The following TAFA2 variants were observed in gnomAD, a reference collection of about 807,000 sequenced individuals.
TAFA2 encodes the protein chemokine-like protein TAFA-2.
In TAFA2, 7 loss-of-function variants were observed where a neutral mutation model predicts 18.8. The ratio of observed to expected loss-of-function variants is 0.37; its 90% CI spans 0.21 to 0.70. TAFA2 has a LOEUF of 0.70. TAFA2 is among the 30% of genes least tolerant of loss of function. The probability of loss-of-function intolerance (pLI) is 0.53; values close to 1 mark genes in which losing one functional copy is unlikely to be tolerated. For synonymous variants in TAFA2, 60 were observed against 54.2 expected, an observed-to-expected ratio of 1.11 and a Z score of -0.47; for missense variants, 122 against 158.1, an observed-to-expected ratio of 0.77 and a Z score of 1.23.
At chr12:62,210,017 A>G (rs1421915807) in intron 1 of TAFA2, among the ~76,000 whole-genome samples, 1 of 151,952 alleles carries the variant, frequency 6.6e-6, no homozygotes, top group Non-Finnish European at 1.5e-5. Context: ...TGGCTAACAC[A>G]GTGAAACCCC....
intron 2 of TAFA2, among the ~76,000 whole-genome samples, chr12:61,800,746 C>A (rs1592397492): frequency 6.6e-6 from 1 of 152,048 alleles, no homozygotes; most frequent in African/African-American, 2.4e-5. Flanking sequence ...AGGTAGGCAA[C>A]TATGTCAAAT....
intron 1 of TAFA2, chr12:62,104,881 G>A: frequency 3.2e-6 from 1 of 308,496 alleles, no homozygotes; most frequent in East Asian, 1.1e-4. Flanking sequence ...AGATTGAGTT[G>A]CTATCTCCCT....
At position 61,709,681 on chromosome 12, in the gene TAFA2, A is replaced by G. The variant is rs901560748; in HGVS notation, c.*725T>C. 1 of 152,112 alleles carries G rather than the reference A, an allele frequency of 6.6e-6. No homozygotes were observed. The highest frequency in any genetic ancestry group is 1.5e-5 in the Non-Finnish European group (1 of 67,996). 9.4% of individuals were successfully genotyped at this position (152,112 alleles called of 1,614,324 possible). A position where few individuals can be genotyped will look rare whatever the true frequency, so the allele number is the denominator to read the frequency against. ...TATTATATAATGAAAATGGCAATCC[A>G]GTTCTAACTACTACCTATTTGACAA... On this transcript the variant is annotated 3_prime_UTR_variant, in exon 5 of 5. Coordinates refer to ENST00000416284, the MANE Select transcript of TAFA2 (RefSeq NM_178539.5).
At chr12:61,879,810 CA>C in intron 1 of TAFA2, 1 of 1,467,648 alleles carries the variant, frequency 6.8e-7, no homozygotes, top group Non-Finnish European at 9.4e-7. Flanking sequence ...AAGCTGGAGG[CA>C]GAGCTTGGCA....
At chr12:61,753,002 T>C (rs1385193617) in intron 4 of TAFA2, among the ~76,000 whole-genome samples, 1 of 151,992 alleles carries the variant, frequency 6.6e-6, no homozygotes, top group Non-Finnish European at 1.5e-5. Flanking sequence ...AACAAAGCTA[T>C]TTTTCAGTTC....
chr12:61,748,320 G>T (rs1019197471), intron 4 of TAFA2, among the ~76,000 whole-genome samples: 10 of 152,072 alleles, frequency 6.6e-5, no homozygotes, highest in African/African-American at 2.2e-4. Context: ...AACGCTAAAG[G>T]TCATTACAGT....
intron 1 of TAFA2, among the ~76,000 whole-genome samples, chr12:61,901,581 A>C (rs1037074857): frequency 6.6e-6 from 1 of 152,102 alleles, no homozygotes; most frequent in Non-Finnish European, 1.5e-5. Flanking sequence ...CACAACATAA[A>C]CAATATCTGG....
intron 2 of TAFA2, among the ~76,000 whole-genome samples, chr12:61,763,207 G>T (rs1052111215): frequency 6.6e-6 from 1 of 152,000 alleles, no homozygotes; most frequent in Admixed American, 6.6e-5. Flanking sequence ...AAGTGCCGAT[G>T]ACATGTTTAC....
intron 1 of TAFA2, among the ~76,000 whole-genome samples, chr12:61,872,281 T>G (rs1466425151): frequency 6.6e-6 from 1 of 152,120 alleles, no homozygotes; most frequent in Non-Finnish European, 1.5e-5. Context: ...GACACTTCTG[T>G]GGAAATAGAG....
intron 1 of TAFA2, among the ~76,000 whole-genome samples, chr12:62,181,490 G>A (rs1412874900): frequency 6.6e-6 from 1 of 152,080 alleles, no homozygotes; most frequent in Non-Finnish European, 1.5e-5. Context: ...TAAACACTTA[G>A]AAGAAAAAAA....
At chr12:62,193,209 A>G (rs1280167732), upstream of TAFA2, among the ~76,000 whole-genome samples, 3 of 152,248 alleles carry the variant, frequency 2.0e-5, no homozygotes, top group Non-Finnish European at 4.4e-5. Flanking sequence ...AAGACTATTC[A>G]AAAATGAATA....
chr12:62,006,098 A>G (rs1165682858), intron 1 of TAFA2, among the ~76,000 whole-genome samples: 1 of 152,152 alleles, frequency 6.6e-6, no homozygotes, highest in Non-Finnish European at 1.5e-5. Context: ...AATCTCTCTT[A>G]GATGATTTGA....
chr12:62,029,808 C>CCTCT (rs774838871), intron 1 of TAFA2, among the ~76,000 whole-genome samples: 1 of 107,522 alleles, frequency 9.3e-6, no homozygotes, highest in Non-Finnish European at 1.9e-5. Flanking sequence ...TAAATGTCTT[C>CCTCT]CTATCTCTCT....
chr12:62,184,489 G>GA (rs1245599931), intron 1 of TAFA2, among the ~76,000 whole-genome samples: 4,279 of 70,714 alleles, frequency 0.061, 234 homozygotes, highest in African/African-American at 0.18. Flanking sequence ...GAACACACGG[G>GA]AAAAAAAAAA....
intron 1 of TAFA2, among the ~76,000 whole-genome samples, chr12:62,031,482 C>T (rs923473703): frequency 6.6e-6 from 1 of 151,824 alleles, no homozygotes; most frequent in South Asian, 2.1e-4. Flanking sequence ...AATAAACTCC[C>T]CTTTATATAT....
chr12:61,719,981 T>C (rs1040545372), intron 4 of TAFA2, among the ~76,000 whole-genome samples: 2 of 152,174 alleles, frequency 1.3e-5, no homozygotes, highest in Admixed American at 6.6e-5. Flanking sequence ...TAAAATCCAT[T>C]TTCTGAAGGA....
chr12:62,205,679 A>G (rs1192072265), intron 1 of TAFA2, among the ~76,000 whole-genome samples: 1 of 152,190 alleles, frequency 6.6e-6, no homozygotes, highest in Non-Finnish European at 1.5e-5. Flanking sequence ...TTTCCCTGGC[A>G]TCAGCAGGGG....
At chr12:61,749,777 T>A (rs923716899) in intron 4 of TAFA2, among the ~76,000 whole-genome samples, 1 of 152,056 alleles carries the variant, frequency 6.6e-6, no homozygotes, top group African/African-American at 2.4e-5. Context: ...ATAAAGGTAA[T>A]CTTCCTAAAA....
intron 2 of TAFA2, among the ~76,000 whole-genome samples, chr12:61,804,410 A>G (rs1384853245): frequency 6.6e-6 from 1 of 152,064 alleles, no homozygotes; most frequent in African/African-American, 2.4e-5. Context: ...GGAGACTTGA[A>G]TTAGCTCAGC....
Sources: allele counts gnomAD v4.1 joint callset (sites outside exome capture counted in the v4.1 genomes callset), GRCh38; gene constraint gnomAD v4.1.1; transcripts MANE v1.5; gene names NCBI Gene and HGNC (gene_info 2026-07-23, HGNC 2026-07-21).